The following MPPED1 variants were observed in gnomAD, a reference collection of about 807,000 sequenced individuals.
MPPED1 encodes metallophosphoesterase domain-containing protein 1.
Under a neutral mutation model 36.2 loss-of-function variants are expected in MPPED1, and 16 were observed. The ratio of observed to expected loss-of-function variants is 0.44; its 90% CI spans 0.30 to 0.67. The LOEUF is 0.67. Among genes scored for constraint, MPPED1 ranks in the 30% least tolerant of loss-of-function variants. The pLI is 0.10. For missense variants in MPPED1, 307 were observed against 453.4 expected, an observed-to-expected ratio of 0.68 and a Z score of 2.93; for synonymous variants, 199 against 191.3, an observed-to-expected ratio of 1.04 and a Z score of -0.33.
intron 1 of MPPED1, among the ~76,000 whole-genome samples, chr22:43,422,536 A>G (rs896435164): frequency 6.6e-6 from 1 of 152,088 alleles, no homozygotes; most frequent in Non-Finnish European, 1.5e-5. Context: ...TCAAGTAGAG[A>G]TGTGATGTGG....
intron 4 of MPPED1, among the ~76,000 whole-genome samples, chr22:43,481,536 T>C (rs761516458): frequency 3.9e-5 from 6 of 152,172 alleles, no homozygotes; most frequent in Admixed American, 2.0e-4. Flanking sequence ...GATGAATGAA[T>C]GAGTGGATGA....
chr22:43,415,009 A>C (rs969846970), intron 1 of MPPED1, among the ~76,000 whole-genome samples: 2 of 151,992 alleles, frequency 1.3e-5, no homozygotes, highest in Non-Finnish European at 2.9e-5. Context: ...AGTGTCCAAC[A>C]CTTGGGGGTG....
chr22:43,448,505 C>G lies in MPPED1; in HGVS notation c.406+13290C>G, dbSNP rs565957450. Among the ~76,000 whole-genome samples the G allele has an allele frequency of 6.0e-4, 92 of 152,326 alleles. 1 individual carries two copies. The highest frequency in any genetic ancestry group is 2.1e-3 in the African/African-American group (86 of 41,580). On this transcript the variant is annotated intron_variant, in intron 3 of 6. Transcript: ENST00000443721. ...AAAGCTGAGCTCAGCGGGGAGAAAT[C>G]TTGTCTAAGGTCATACGGCAAAGAA...
rs147237786 is a variant in MPPED1, at chr22:43,436,512, C to T, written c.406+1297C>T. On this transcript the variant is annotated intron_variant, in intron 3 of 6. Coordinates refer to ENST00000443721, the MANE Select transcript of MPPED1 (RefSeq NM_001044370.2). Reference sequence around the variant, plus strand: ...GGGCTTTAAATATTGATTTTTCAAACGGGAAATTCTAATCAAAGGCCCTGT... The same window carrying T: ...GGGCTTTAAATATTGATTTTTCAAATGGGAAATTCTAATCAAAGGCCCTGT... Among the ~76,000 whole-genome samples the T allele has an allele frequency of 3.5e-4, 53 of 152,398 alleles. 1 individual carries two copies. The highest frequency in any genetic ancestry group is 3.1e-3 in the East Asian group (16 of 5,186).
At chr22:43,447,889 T>A (rs1303251745) in intron 3 of MPPED1, among the ~76,000 whole-genome samples, 89 of 51,414 alleles carry the variant, frequency 1.7e-3, no homozygotes, top group African/African-American at 4.4e-3. Context: ...ATATATTTTT[T>A]TTTTTTTTAG....
intron 5 of MPPED1, among the ~76,000 whole-genome samples, chr22:43,498,879 G>A (rs1472490386): frequency 6.6e-6 from 1 of 152,028 alleles, no homozygotes; most frequent in Non-Finnish European, 1.5e-5. Context: ...CCATCTGGGG[G>A]CTCTCTCAGT....
intron 2 of MPPED1, among the ~76,000 whole-genome samples, chr22:43,429,451 C>T (rs1166522574): frequency 6.6e-6 from 1 of 152,256 alleles, no homozygotes; most frequent in Non-Finnish European, 1.5e-5. Flanking sequence ...CAGTCTTCCT[C>T]CTGCCTCAGG....
At chr22:43,462,103 T>C (rs1330955153) in intron 3 of MPPED1, among the ~76,000 whole-genome samples, 1 of 152,220 alleles carries the variant, frequency 6.6e-6, no homozygotes, top group East Asian at 1.9e-4. Context: ...TTTGATTTTC[T>C]ACCTGCTCTG....
At chr22:43,487,059 G>C (rs1931935243) in intron 4 of MPPED1, among the ~76,000 whole-genome samples, 1 of 152,268 alleles carries the variant, frequency 6.6e-6, no homozygotes, top group South Asian at 2.1e-4. Context: ...TTCCTGTCGG[G>C]TAGAGCACCT....
intron 3 of MPPED1, 128 bp downstream of exon 3, chr22:43,435,343 T>A: frequency 9.9e-7 from 1 of 1,009,078 alleles, no homozygotes. Flanking sequence ...TGTGCCTGCC[T>A]GGTCACCCTC....
At chr22:43,451,972 T>A (rs934119389) in intron 3 of MPPED1, among the ~76,000 whole-genome samples, 1 of 152,188 alleles carries the variant, frequency 6.6e-6, no homozygotes, top group Non-Finnish European at 1.5e-5. Context: ...TATGGATACC[T>A]GTTTCTGTAG....
intron 4 of MPPED1, among the ~76,000 whole-genome samples, chr22:43,477,970 C>A (rs555567501): frequency 6.6e-6 from 1 of 152,304 alleles, no homozygotes; most frequent in South Asian, 2.1e-4. Flanking sequence ...TGGCTGTGGT[C>A]ATTTATTATT....
At chr22:43,417,214 A>C (rs1006426432) in intron 1 of MPPED1, among the ~76,000 whole-genome samples, 1 of 152,186 alleles carries the variant, frequency 6.6e-6, no homozygotes, top group Non-Finnish European at 1.5e-5. Context: ...TTTGCAAGGA[A>C]TAGGGGCTAA....
chr22:43,415,225 C>CAAAAAAAAAAAAAAAGAAAA (rs1929037160), intron 1 of MPPED1, among the ~76,000 whole-genome samples: 1 of 49,414 alleles, frequency 2.0e-5, no homozygotes, highest in East Asian at 1.0e-3. Flanking sequence ...ATGTCAAAAG[C>CAAAAAAAAAAAAAAAGAAAA]AAAAAAAAAA....
chr22:43,442,972 T>C lies in MPPED1; in HGVS notation c.406+7757T>C, dbSNP rs141872223. Among the ~76,000 whole-genome samples the C allele has an allele frequency of 3.4e-3, 521 of 152,256 alleles. 2 individuals carry two copies. The highest frequency in any genetic ancestry group is 4.6e-3 in the Non-Finnish European group (314 of 68,014). ...GTCAACACAGCGTGAGGGGCTACTG[T>C]GTTCACTGCTTTGGTGCTGGAGATT... On this transcript the variant is annotated intron_variant, in intron 3 of 6. Transcript: ENST00000443721.
intron 3 of MPPED1, among the ~76,000 whole-genome samples, chr22:43,443,789 C>G (rs11913262): frequency 0.027 from 4,098 of 152,018 alleles, 178 homozygotes; most frequent in African/African-American, 0.094. Flanking sequence ...TCCAGACACA[C>G]ATTGTTATTC....
At chr22:43,467,108 G>T (rs182755134) in intron 3 of MPPED1, among the ~76,000 whole-genome samples, 1 of 152,322 alleles carries the variant, frequency 6.6e-6, no homozygotes, top group Non-Finnish European at 1.5e-5. Context: ...TTTTATAAAT[G>T]GGGACACTAA....
At chr22:43,451,703 C>T (rs1163610643) in intron 3 of MPPED1, among the ~76,000 whole-genome samples, 1 of 152,240 alleles carries the variant, frequency 6.6e-6, no homozygotes, top group Non-Finnish European at 1.5e-5. Flanking sequence ...TTGATCCAAC[C>T]ATGCGCCGCA....
chr22:43,474,602 C>T lies in MPPED1; in HGVS notation c.407-134C>T, dbSNP rs73167982. On this transcript the variant is annotated intron_variant, in intron 3 of 6. Coordinates refer to ENST00000443721, the MANE Select transcript of MPPED1 (RefSeq NM_001044370.2). The surrounding 1 kb of genome is among the most constrained non-coding windows in gnomAD (Gnocchi z 5.2). ...CCCTATGAGTACAAGATCGTGATCG[C>T]GGGCAACCACGAGCTGACCTTTGAC... is the stretch of plus-strand genomic sequence containing the variant. The T allele has an allele frequency of 0.065, 98,498 of 1,523,292 alleles. 3,551 individuals are homozygous for T. Among genetic ancestry groups the T allele is most frequent in the Middle Eastern group, 0.095 (407 of 4,284 alleles). 94.4% of individuals were successfully genotyped at this position (1,523,292 alleles called of 1,614,324 possible).
Sources: allele counts gnomAD v4.1 joint callset (sites outside exome capture counted in the v4.1 genomes callset), GRCh38; gene constraint gnomAD v4.1.1; non-coding constraint Gnocchi (gnomAD v3.1); transcripts MANE v1.5; gene names NCBI Gene and HGNC (gene_info 2026-07-23, HGNC 2026-07-21).